Variants in NUBPL observed in about 807,000 individuals in gnomAD.
The protein encoded by NUBPL is iron-sulfur cluster transfer protein NUBPL.
NUBPL carries 31 observed loss-of-function variants against 45.7 expected under a neutral mutation model. That is an observed-to-expected ratio of 0.68 (90% CI 0.51 to 0.92). The LOEUF (loss-of-function observed/expected upper bound fraction) is 0.92. Among genes scored for constraint, NUBPL ranks in the 40% least tolerant of loss-of-function variants. The pLI is 0.00. For synonymous variants in NUBPL, 144 were observed against 140.9 expected, an observed-to-expected ratio of 1.02 and a Z score of -0.15; for missense variants, 401 against 398.7, an observed-to-expected ratio of 1.01 and a Z score of -0.05.
chr14:31,750,809 A>T (rs1180373708), intron 6 of NUBPL, among the ~76,000 whole-genome samples: 1 of 152,148 alleles, frequency 6.6e-6, no homozygotes, highest in East Asian at 1.9e-4. Flanking sequence ...TGTAATCAGC[A>T]TGTATTAGTC....
At chr14:31,745,072 T>A (rs1042170790) in intron 6 of NUBPL, among the ~76,000 whole-genome samples, 15 of 152,130 alleles carry the variant, frequency 9.9e-5, no homozygotes, top group African/African-American at 3.1e-4. Context: ...ATTATTATAC[T>A]TTAAGTTCTA....
intron 7 of NUBPL, among the ~76,000 whole-genome samples, chr14:31,804,706 A>G (rs534248017): frequency 1.3e-4 from 20 of 152,180 alleles, no homozygotes; most frequent in East Asian, 1.9e-4. Context: ...TATTTAATCA[A>G]TGTTGCTGGG....
intron 6 of NUBPL, among the ~76,000 whole-genome samples, chr14:31,690,793 T>C (rs1428894793): frequency 6.6e-6 from 1 of 152,124 alleles, no homozygotes; most frequent in African/African-American, 2.4e-5. Flanking sequence ...CTCAGAGAAA[T>C]TCAAGACCTT....
At chr14:31,761,837 A>AT (rs1221908648) in intron 6 of NUBPL, among the ~76,000 whole-genome samples, 1 of 152,148 alleles carries the variant, frequency 6.6e-6, no homozygotes. Context: ...GATAGCACTG[A>AT]TTTTGGATAT....
At chr14:31,624,248 A>G (rs2035146229) in intron 4 of NUBPL, among the ~76,000 whole-genome samples, 1 of 152,208 alleles carries the variant, frequency 6.6e-6, no homozygotes. Flanking sequence ...TGATTTTCTG[A>G]GTTGGATGAC....
chr14:31,591,099 C>T (rs761908988), intron 3 of NUBPL, among the ~76,000 whole-genome samples: 10 of 152,132 alleles, frequency 6.6e-5, no homozygotes, highest in Non-Finnish European at 1.2e-4. Flanking sequence ...CTAAATCTTG[C>T]TAGTAAGCAG....
At chr14:31,614,987 T>TGACAATGAG (rs2034858183) in intron 4 of NUBPL, among the ~76,000 whole-genome samples, 1 of 152,198 alleles carries the variant, frequency 6.6e-6, no homozygotes, top group Admixed American at 6.5e-5. Context: ...TATTGAGGAT[T>TGACAATGAG]GACAATGAGG....
chr14:31,755,816 G>A (rs2038647889), intron 6 of NUBPL, among the ~76,000 whole-genome samples: 1 of 150,726 alleles, frequency 6.6e-6, no homozygotes, highest in South Asian at 2.1e-4. Flanking sequence ...TTCTTCTAGG[G>A]TTTTTATGGT....
At chr14:31,567,057 G>A (rs1019907777) in intron 3 of NUBPL, among the ~76,000 whole-genome samples, 5 of 152,100 alleles carry the variant, frequency 3.3e-5, no homozygotes, top group Non-Finnish European at 7.4e-5. Flanking sequence ...ATTTCCAAAA[G>A]TGTCTTTAAT....
intron 4 of NUBPL, among the ~76,000 whole-genome samples, chr14:31,605,381 A>G (rs2034556892): frequency 6.6e-6 from 1 of 152,218 alleles, no homozygotes; most frequent in Admixed American, 6.5e-5. Flanking sequence ...TTTAAATGTA[A>G]TGAGCTAATA....
At chr14:31,709,792 CA>C (rs2037530741) in intron 6 of NUBPL, among the ~76,000 whole-genome samples, 1 of 152,096 alleles carries the variant, frequency 6.6e-6, no homozygotes, top group Non-Finnish European at 1.5e-5. Context: ...ACCGATAGCC[CA>C]GGGGTTTTTG....
At chr14:31,711,718 G>A (rs1421430472) in intron 6 of NUBPL, among the ~76,000 whole-genome samples, 1 of 152,124 alleles carries the variant, frequency 6.6e-6, no homozygotes, top group Non-Finnish European at 1.5e-5. Context: ...CTGACTTCAG[G>A]AGTGAAGTTG....
chr14:31,764,789 T>C (rs1481926087), intron 6 of NUBPL, among the ~76,000 whole-genome samples: 2 of 152,238 alleles, frequency 1.3e-5, no homozygotes, highest in African/African-American at 4.8e-5. Flanking sequence ...GTTTCTTAGA[T>C]GTCCTTTAGG....
chr14:31,763,487 G>A (rs1296013149), intron 6 of NUBPL, among the ~76,000 whole-genome samples: 16 of 152,012 alleles, frequency 1.1e-4, no homozygotes, highest in Admixed American at 1.0e-3. Context: ...GTGTTCATAT[G>A]TCCTTGATTA....
intron 6 of NUBPL, among the ~76,000 whole-genome samples, chr14:31,727,010 C>T (rs2037940979): frequency 6.6e-6 from 1 of 152,076 alleles, no homozygotes; most frequent in Non-Finnish European, 1.5e-5. Flanking sequence ...TCAGGCGTCA[C>T]CAAACGTTCC....
At position 31,582,889 on chromosome 14, in the gene NUBPL, G is replaced by A. The variant is rs185994388; in HGVS notation, c.292-16400G>A. Among the ~76,000 whole-genome samples, 32 of 152,266 alleles carry A rather than the reference G, an allele frequency of 2.1e-4. No homozygotes were observed. In the East Asian group the frequency reaches 2.9e-3, roughly 14 times the overall value. The stretch of plus-strand genomic sequence containing the variant: ...AAAGGAAAATTTGAAGATTTAGGGA[G>A]TCTACCAAATGTCATTTTTAAAGGA... On this transcript the variant is annotated intron_variant, in intron 3 of 10. Coordinates refer to ENST00000281081, the MANE Select transcript of NUBPL (RefSeq NM_025152.3).
intron 7 of NUBPL, among the ~76,000 whole-genome samples, chr14:31,824,750 T>A (rs1395082207): frequency 6.6e-6 from 1 of 152,178 alleles, no homozygotes; most frequent in Admixed American, 6.5e-5. Flanking sequence ...CTTGGTGTAA[T>A]CAGTTATTTA....
intron 7 of NUBPL, among the ~76,000 whole-genome samples, chr14:31,803,756 C>T (rs150940983): frequency 1.6e-3 from 248 of 152,254 alleles, no homozygotes; most frequent in African/African-American, 5.3e-3. Flanking sequence ...TGTTGTTACA[C>T]AAATTGTAAC....
intron 4 of NUBPL, among the ~76,000 whole-genome samples, chr14:31,660,181 G>T (rs1264525417): frequency 6.6e-6 from 1 of 152,102 alleles, no homozygotes; most frequent in Non-Finnish European, 1.5e-5. Flanking sequence ...CAGGTTGATG[G>T]CTCAAGTTTT....
Sources: gnomAD v4.1 joint callset for allele counts (sites outside exome capture counted in the v4.1 genomes callset) on GRCh38, gnomAD v4.1.1 for gene constraint, MANE v1.5 for transcripts, NCBI Gene and HGNC (gene_info 2026-07-23, HGNC 2026-07-21) for gene names.